The following TP53BP1 variants were observed in gnomAD, a reference collection of about 807,000 sequenced individuals.
The protein encoded by TP53BP1 is tumor protein p53 binding protein 1.
TP53BP1 carries 61 observed loss-of-function variants against 200.8 expected under a neutral mutation model. The ratio of observed to expected loss-of-function variants is 0.30; its 90% CI spans 0.25 to 0.38. TP53BP1 has a LOEUF of 0.38. Ranked by LOEUF, TP53BP1 falls within the 10% of genes least tolerant of loss-of-function variation. The pLI, the probability that TP53BP1 is intolerant of heterozygous loss-of-function variation, is 1.00. For missense variants in TP53BP1, 2,144 were observed against 2,371.9 expected (o/e 0.90, Z 2.00); for synonymous variants, 822 against 844.3 (o/e 0.97, Z 0.46).
intron 4 of TP53BP1, among the ~76,000 whole-genome samples, chr15:43,491,422 CTTATT>C (rs2079120758): frequency 6.6e-6 from 1 of 152,002 alleles, no homozygotes; most frequent in Non-Finnish European, 1.5e-5. Context: ...AGGAGGAATG[CTTATT>C]TTGTTTCACA....
upstream of TP53BP1, among the ~76,000 whole-genome samples, chr15:43,496,361 T>C (rs1308963943): frequency 6.6e-6 from 1 of 152,210 alleles, no homozygotes. Flanking sequence ...TATAATTATA[T>C]AATAAATTTC....
At chr15:43,416,525 C>T (rs1328704788) in intron 21 of TP53BP1, 109 bp from the exon 22 acceptor site, 4 of 1,056,990 alleles carry the variant, frequency 3.8e-6, no homozygotes, top group South Asian at 1.6e-5. Flanking sequence ...AGAGATCCAA[C>T]AGTGGACTGA....
At chr15:43,470,866 T>C (rs1424755216) in intron 10 of TP53BP1, among the ~76,000 whole-genome samples, 2 of 152,230 alleles carry the variant, frequency 1.3e-5, no homozygotes, top group African/African-American at 4.8e-5. Flanking sequence ...TTCCCCATAA[T>C]TCACATTCAT....
intron 21 of TP53BP1, among the ~76,000 whole-genome samples, chr15:43,418,180 TAAAAAAAAAAAA>T (rs757250428): frequency 1.3e-4 from 13 of 100,336 alleles, no homozygotes; most frequent in African/African-American, 4.8e-4. Flanking sequence ...GCTCTGTTTT[TAAAAAAAAAAAA>T]AAAAAAAAAA....
chr15:43,419,737 T>G (rs560412245), intron 21 of TP53BP1, among the ~76,000 whole-genome samples: 79 of 151,896 alleles, frequency 5.2e-4, no homozygotes, highest in Non-Finnish European at 9.6e-4. Flanking sequence ...GAGAAAATAT[T>G]AGACAAATCC....
At position 43,409,046 on chromosome 15, in the gene TP53BP1, G is replaced by A; in HGVS notation, c.5451C>T (p.Thr1817=). ...TGGCAAGGCACAGGAAGTACTTCCG[G>A]GTTCGACAATGCTGATCCGCAATTA... ...CLLIADQHCR[T]RKYFLCLASG... The change falls in exon 26 of 28, where the codon ACC becomes ACT. Residue 1817 remains threonine, a synonymous_variant. Coordinates refer to ENST00000382044, the MANE Select transcript of TP53BP1 (RefSeq NM_001141980.3). 1 of 1,614,218 alleles carries A rather than the reference G, an allele frequency of 6.2e-7. No homozygotes were observed. Among genetic ancestry groups the A allele is most frequent in the Non-Finnish European group, 8.5e-7 (1 of 1,180,046 alleles).
At chr15:43,431,341 CCACT>C (rs2142997706) in intron 17 of TP53BP1, among the ~76,000 whole-genome samples, 1 of 152,228 alleles carries the variant, frequency 6.6e-6, no homozygotes, top group African/African-American at 2.4e-5. Flanking sequence ...TCCCACTCTG[CCACT>C]CAATGAAATG....
At chr15:43,435,219 C>T (rs946263120) in intron 16 of TP53BP1, among the ~76,000 whole-genome samples, 2 of 142,172 alleles carry the variant, frequency 1.4e-5, no homozygotes, top group African/African-American at 5.6e-5. Context: ...GCCAAGATCG[C>T]CCTACTGCAC....
At chr15:43,432,127 T>G in intron 17 of TP53BP1, 67 bp downstream of exon 17, 1 of 1,549,270 alleles carries the variant, frequency 6.5e-7, no homozygotes, top group South Asian at 1.2e-5. Context: ...ATGCCACAAC[T>G]TAAATTCTCT....
At chr15:43,450,627 C>T (rs1023508951) in intron 12 of TP53BP1, among the ~76,000 whole-genome samples, 9 of 152,302 alleles carry the variant, frequency 5.9e-5, no homozygotes, top group Admixed American at 5.2e-4. Flanking sequence ...CAAGATTGGG[C>T]TTCCAAGTAC....
intron 14 of TP53BP1, among the ~76,000 whole-genome samples, chr15:43,445,718 T>C (rs2046026593): frequency 6.6e-6 from 1 of 152,160 alleles, no homozygotes; most frequent in South Asian, 2.1e-4. Flanking sequence ...ACTTCCATAT[T>C]CACCTGGCAC....
At chr15:43,482,138 A>G (rs1203841960) in intron 4 of TP53BP1, among the ~76,000 whole-genome samples, 1 of 151,558 alleles carries the variant, frequency 6.6e-6, no homozygotes, top group Non-Finnish European at 1.5e-5. Context: ...CTGAGGCAGT[A>G]GAATGGCGTG....
intron 3 of TP53BP1, 67 bp downstream of exon 3, chr15:43,491,935 A>T: frequency 7.7e-7 from 1 of 1,301,372 alleles, no homozygotes; most frequent in Non-Finnish European, 1.1e-6. Flanking sequence ...ATAAAGTTTA[A>T]ATCCACCCAG....
chr15:43,504,699 C>T (rs2079226891), intron 1 of TP53BP1, among the ~76,000 whole-genome samples: 1 of 152,156 alleles, frequency 6.6e-6, no homozygotes, highest in African/African-American at 2.4e-5. Context: ...GCAAGTGGTT[C>T]AGACTGACTG....
chr15:43,407,460 T>C lies in TP53BP1; in HGVS notation c.5857A>G (p.Ile1953Val), dbSNP rs771928362. 1.7e-5 allele frequency: 27 copies of C among 1,614,210 alleles called. No homozygotes were observed. The South Asian group carries it at 3.0e-4, about 18-fold the overall frequency. ...QLPVVSQEWV[I>V]QCLIVGERIG... ...CTCTCCCCAACAATGAGGCACTGGA[T>C]CACCCACTCTTGTGACACCACAGGC... is the stretch of plus-strand genomic sequence containing the variant. Residue 1953 changes from isoleucine to valine, a missense_variant, in exon 28 of 28, where the codon ATC (isoleucine) becomes GTC (valine). Transcript: ENST00000382044.
At position 43,405,031 on chromosome 15, in the gene TP53BP1, A is replaced by G; in HGVS notation, c.*2352T>C. 1.4e-6 allele frequency: 1 copy of G among 695,310 alleles called. No homozygotes were observed. Among genetic ancestry groups the G allele is most frequent in the East Asian group, 2.8e-5 (1 of 36,052 alleles). 43.1% of individuals were successfully genotyped at this position (695,310 alleles called of 1,614,324 possible). A position where few individuals can be genotyped will look rare whatever the true frequency, so the allele number is the denominator to read the frequency against. ...AATCACTTCATTGTCCTTTCTCTCTAAAATGTCTGCAAGCAGATTTTTTTC... is the reference window on the plus strand; with the variant it reads ...AATCACTTCATTGTCCTTTCTCTCTGAAATGTCTGCAAGCAGATTTTTTTC... On this transcript the variant is annotated 3_prime_UTR_variant, in exon 28 of 28. Transcript: ENST00000382044.
In TP53BP1 at chr15:43,405,100, A is replaced by AAG. The variant is rs1566906340; in HGVS notation, c.*2281_*2282dup. The AAG allele has an allele frequency of 7.3e-7, 1 of 1,367,946 alleles. No homozygotes were observed. Among genetic ancestry groups the AAG allele is most frequent in the Non-Finnish European group, 1.0e-6 (1 of 971,750 alleles). 84.7% of individuals were successfully genotyped at this position (1,367,946 alleles called of 1,614,324 possible). ...GAGTCAAAAGAAACTCTTCAGTTTT[A>AAG]AGATGACATTATTTAGATCACAGGT... On this transcript the variant is annotated 3_prime_UTR_variant, in exon 28 of 28. Coordinates refer to ENST00000382044, the MANE Select transcript of TP53BP1 (RefSeq NM_001141980.3).
In TP53BP1 at chr15:43,409,079, C is replaced by T; in HGVS notation, c.5418G>A (p.Gln1806=). The T allele has an allele frequency of 6.2e-7, 1 of 1,614,184 alleles. No homozygotes were observed. The highest frequency in any genetic ancestry group is 8.5e-7 in the Non-Finnish European group (1 of 1,180,028). The change falls in exon 26 of 28, where the codon CAG becomes CAA. Residue 1806 remains glutamine, a synonymous_variant. Transcript: ENST00000382044. ...FNEAQCNTAY[Q]CLLIADQHCR... ...AATGCTGATCCGCAATTAGAAGACA[C>T]TGGTAAGCTGTGTTACACTGCAAGA...
Position 43,428,147 on chromosome 15 carries a change from G to A in TP53BP1, c.3697C>T (p.Pro1233Ser), listed in dbSNP as rs368391710. The A allele has an allele frequency of 1.9e-6, 3 of 1,613,866 alleles. No individual in the cohort carries two copies. The highest frequency in any genetic ancestry group is 1.7e-5 in the Admixed American group (1 of 59,964). Residue 1233 changes from proline to serine, a missense_variant, in exon 18 of 28, where the codon CCT becomes TCT. Transcript: ENST00000382044. Reference sequence around the variant, plus strand: ...AAGACATGGCCATGTGGAGGCTGAGGCATATCAAACTCTTCTTCTCCCTGT... The same window carrying A: ...AAGACATGGCCATGTGGAGGCTGAGACATATCAAACTCTTCTTCTCCCTGT... ...HSQGEEEFDM[P>S]QPPHGHVLHR...
Sources: allele counts gnomAD v4.1 joint callset (sites outside exome capture counted in the v4.1 genomes callset), GRCh38; gene constraint gnomAD v4.1.1; transcripts MANE v1.5; gene names NCBI Gene and HGNC (gene_info 2026-07-23, HGNC 2026-07-21).